The following CAMTA1 variants were observed in gnomAD, a reference collection of about 807,000 sequenced individuals.
CAMTA1 encodes the protein calmodulin-binding transcription activator 1.
A neutral mutation model predicts 170.9 loss-of-function variants in CAMTA1; 27 were observed. The ratio of observed to expected loss-of-function variants is 0.16; its 90% CI spans 0.12 to 0.22. The LOEUF (loss-of-function observed/expected upper bound fraction) is 0.22. Ranked by LOEUF, CAMTA1 falls within the 10% of genes least tolerant of loss-of-function variation. The probability of loss-of-function intolerance (pLI) is 1.00; values close to 1 mark genes in which losing one functional copy is unlikely to be tolerated. For missense variants in CAMTA1, 1,619 were observed against 2,217.2 expected, an observed-to-expected ratio of 0.73 and a Z score of 5.42; for synonymous variants, 833 against 891.5, an observed-to-expected ratio of 0.93 and a Z score of 1.17.
At chr1:7,145,823 G>T (rs545578676) in intron 4 of CAMTA1, among the ~76,000 whole-genome samples, 1 of 152,350 alleles carries the variant, frequency 6.6e-6, no homozygotes, top group East Asian at 1.9e-4. Flanking sequence ...AGGGGAAGAG[G>T]CTGCCCTTCA....
intron 1 of CAMTA1, among the ~76,000 whole-genome samples, chr1:6,786,079 C>T (rs1482124080): frequency 1.3e-5 from 2 of 151,788 alleles, no homozygotes; most frequent in African/African-American, 4.8e-5. Flanking sequence ...GCTCAGCCCT[C>T]GCCGGCCCCC....
At chr1:7,397,801 G>A (rs2089451684) in intron 5 of CAMTA1, among the ~76,000 whole-genome samples, 1 of 151,752 alleles carries the variant, frequency 6.6e-6, no homozygotes, top group African/African-American at 2.4e-5. Flanking sequence ...AGTTTCTCCT[G>A]TTATTGATTT....
At chr1:7,546,846 G>T (rs944111192) in intron 6 of CAMTA1, among the ~76,000 whole-genome samples, 4 of 152,164 alleles carry the variant, frequency 2.6e-5, no homozygotes, top group African/African-American at 9.7e-5. Context: ...TTTTACTCAT[G>T]ACTGGTGATG....
chr1:7,397,925 G>T (rs2089461554), intron 5 of CAMTA1, among the ~76,000 whole-genome samples: 1 of 151,806 alleles, frequency 6.6e-6, no homozygotes, highest in Admixed American at 6.6e-5. Flanking sequence ...TGGAGAAAGT[G>T]CCATGTGCTG....
At position 7,736,276 on chromosome 1, in the gene CAMTA1, A is replaced by G; in HGVS notation, c.3067-68A>G. ...TAATCGTAAAGCATTTGTTTCCCCT[A>G]CATCGAAGCGCTGATGGGGTCGAGG... On this transcript the variant is annotated intron_variant, in intron 12 of 22. Transcript: ENST00000303635. This position sits in a 1 kb window ranked among gnomAD's most constrained non-coding sequence, Gnocchi z 4.5. The G allele has an allele frequency of 1.5e-6, 2 of 1,297,944 alleles. No homozygotes were observed. Among genetic ancestry groups the G allele is most frequent in the South Asian group, 2.5e-5 (2 of 79,758 alleles). The allele number at this position is 1,297,944 out of a possible 1,614,324, so 80.4% of individuals were successfully genotyped here.
chr1:7,191,374 T>C (rs1654492754), intron 4 of CAMTA1, among the ~76,000 whole-genome samples: 1 of 152,234 alleles, frequency 6.6e-6, no homozygotes, highest in Non-Finnish European at 1.5e-5. Context: ...GAATTGCTCC[T>C]AGAAGGCTGA....
intron 17 of CAMTA1, among the ~76,000 whole-genome samples, 170 bp from the exon 18 acceptor site, chr1:7,745,671 TACTC>T (rs1198954963): frequency 6.6e-6 from 1 of 152,214 alleles, no homozygotes; most frequent in Admixed American, 6.5e-5. Context: ...AGTATAAACT[TACTC>T]AATCGAAGGA....
intron 5 of CAMTA1, among the ~76,000 whole-genome samples, chr1:7,410,029 A>T (rs1419350034): frequency 6.6e-6 from 1 of 152,172 alleles, no homozygotes; most frequent in Non-Finnish European, 1.5e-5. Context: ...CTTCGAAGGG[A>T]ATGGGGGCCA....
chr1:7,191,490 C>G (rs1431237860), intron 4 of CAMTA1, among the ~76,000 whole-genome samples: 2 of 152,150 alleles, frequency 1.3e-5, no homozygotes, highest in Non-Finnish European at 2.9e-5. Flanking sequence ...TAAATTAGCT[C>G]TCTTGGGTGG....
intron 3 of CAMTA1, among the ~76,000 whole-genome samples, chr1:6,943,069 A>C (rs1159844267): frequency 2.0e-5 from 3 of 151,866 alleles, no homozygotes; most frequent in African/African-American, 7.3e-5. Context: ...ATCCCTGCTC[A>C]AGGTCACCAG....
At chr1:7,655,467 A>T (rs2095890419) in intron 7 of CAMTA1, among the ~76,000 whole-genome samples, 1 of 125,314 alleles carries the variant, frequency 8.0e-6, no homozygotes, top group Non-Finnish European at 1.7e-5. Flanking sequence ...ACACAAACAC[A>T]CCCACCTATA....
intron 5 of CAMTA1, among the ~76,000 whole-genome samples, chr1:7,308,967 T>G (rs1676020640): frequency 6.6e-6 from 1 of 152,198 alleles, no homozygotes; most frequent in Non-Finnish European, 1.5e-5. Context: ...GTTCTTTCAG[T>G]TTTTGCTTCA....
At position 7,146,200 on chromosome 1, in the gene CAMTA1, C is replaced by T. The variant is rs560399578; in HGVS notation, c.302+54829C>T. On this transcript the variant is annotated intron_variant, in intron 4 of 22. Transcript: ENST00000303635. This position sits in a 1 kb window ranked among gnomAD's most constrained non-coding sequence, Gnocchi z 4.3. ...TGCTTATTCCAGAAATTGCCGTGGG[C>T]CTGCAATCCTGCTTGCAACACCCCT... Among the ~76,000 whole-genome samples, 1 of 152,072 alleles carries T rather than the reference C, an allele frequency of 6.6e-6. No homozygotes were observed. Among genetic ancestry groups the T allele is most frequent in the South Asian group, 2.1e-4 (1 of 4,812 alleles).
chr1:7,183,372 G>A (rs918470537), intron 4 of CAMTA1, among the ~76,000 whole-genome samples: 11 of 152,078 alleles, frequency 7.2e-5, no homozygotes, highest in Admixed American at 4.6e-4. Context: ...CATGAGATTT[G>A]GAGGGGACAG....
At chr1:7,391,671 G>A (rs994894130) in intron 5 of CAMTA1, among the ~76,000 whole-genome samples, 6 of 152,092 alleles carry the variant, frequency 3.9e-5, no homozygotes, top group Admixed American at 2.0e-4. Flanking sequence ...TAAGCTGCTC[G>A]GCGTACTCCA....
At chr1:7,584,020 G>C (rs369791191) in intron 6 of CAMTA1, among the ~76,000 whole-genome samples, 5 of 152,314 alleles carry the variant, frequency 3.3e-5, no homozygotes, top group African/African-American at 1.2e-4. Flanking sequence ...ATTCTGCTCA[G>C]AGAGGGGGTG....
intron 3 of CAMTA1, among the ~76,000 whole-genome samples, chr1:6,848,192 A>C (rs1659025024): frequency 6.6e-6 from 1 of 151,666 alleles, no homozygotes. Context: ...TGAAGGTCTC[A>C]CTCTGTCTCC....
In CAMTA1 at chr1:7,455,402, C is replaced by CT. The variant is rs1308052569; in HGVS notation, c.439-12428_439-12427insT. Among the ~76,000 whole-genome samples, 1 of 152,214 alleles carries CT rather than the reference C, an allele frequency of 6.6e-6. No individual in the cohort carries two copies. The highest frequency in any genetic ancestry group is 1.5e-5 in the Non-Finnish European group (1 of 68,034). On this transcript the variant is annotated intron_variant, in intron 5 of 22. Coordinates refer to ENST00000303635, the MANE Select transcript of CAMTA1 (RefSeq NM_015215.4). This position sits in a 1 kb window ranked among gnomAD's most constrained non-coding sequence, Gnocchi z 5.0. The stretch of plus-strand genomic sequence containing the variant: ...CATGCTCAGGCCGAATTAACCTTGG[C>CT]AAGCCTTCAAGAGGAGAGAGTAATT...
At chr1:7,046,046 G>A (rs999456254) in intron 3 of CAMTA1, among the ~76,000 whole-genome samples, 2 of 152,184 alleles carry the variant, frequency 1.3e-5, no homozygotes, top group Admixed American at 6.5e-5. Context: ...TCCAGTGGGT[G>A]CCTTGGTTGG....
Sources: gnomAD v4.1 joint callset for allele counts (sites outside exome capture counted in the v4.1 genomes callset) on GRCh38, gnomAD v4.1.1 for gene constraint, Gnocchi (gnomAD v3.1) non-coding constraint, MANE v1.5 for transcripts, NCBI Gene and HGNC (gene_info 2026-07-23, HGNC 2026-07-21) for gene names.